The following ENTPD1 variants were observed in gnomAD, a reference collection of about 807,000 sequenced individuals.
ENTPD1 encodes ectonucleoside triphosphate diphosphohydrolase 1, also known as ATP diphosphohydrolase.
ENTPD1 carries 33 observed loss-of-function variants against 57.0 expected under a neutral mutation model. That is an observed-to-expected ratio of 0.58 (90% CI 0.44 to 0.77). The LOEUF is 0.77. Ranked by LOEUF, ENTPD1 falls within the 30% of genes least tolerant of loss-of-function variation. ENTPD1 has a pLI of 0.00. For missense variants in ENTPD1, 501 were observed against 603.4 expected (o/e 0.83, Z 1.78); for synonymous variants, 202 against 218.8 (o/e 0.92, Z 0.68).
intron 1 of ENTPD1, among the ~76,000 whole-genome samples, chr10:95,735,525 A>C (rs1033559982): frequency 7.9e-5 from 12 of 152,206 alleles, no homozygotes; most frequent in Non-Finnish European, 1.5e-4. Context: ...AATTTTAATT[A>C]AATTCTAGAC....
At position 95,847,458 on chromosome 10, in the gene ENTPD1, G is replaced by A. The variant is rs770625243; in HGVS notation, c.826G>A (p.Glu276Lys). ...LAKDIQVASN[E>K]ILRDPCFHPG... is the part of the protein sequence containing the mutation. ...TTTTTCCATTCAGGTTGCAAGTAAT[G>A]AAATTCTCAGGGACCCATGCTTTCA... The change falls in exon 7 of 10, where the codon GAA becomes AAA. Residue 276 changes from glutamate to lysine, a missense_variant. Physicochemically the swap from Glu to Lys is moderately conservative, Grantham distance 56. Coordinates refer to ENST00000371205, the MANE Select transcript of ENTPD1 (RefSeq NM_001776.6). 1 of 1,614,164 alleles carries A rather than the reference G, an allele frequency of 6.2e-7. No individual in the cohort carries two copies. Among genetic ancestry groups the A allele is most frequent in the Non-Finnish European group, 8.5e-7 (1 of 1,180,030 alleles).
chr10:95,745,646 G>C (rs1002787818), intron 1 of ENTPD1, among the ~76,000 whole-genome samples: 4 of 152,218 alleles, frequency 2.6e-5, no homozygotes, highest in African/African-American at 9.6e-5. Flanking sequence ...GCAAGAGAGA[G>C]GAAGTAGTTA....
the ENTPD1 span, among the ~76,000 whole-genome samples, chr10:95,703,969 T>C: frequency 6.7e-6 from 1 of 150,244 alleles, no homozygotes; most frequent in Non-Finnish European, 1.5e-5. Flanking sequence ...TTCATGCCTG[T>C]AGTCTCAGCT....
rs2098481799 is a variant in ENTPD1 at position 95,872,679 on chromosome 10, G to A, written c.*6296G>A. 3 of 778,758 alleles carry A rather than the reference G, an allele frequency of 3.9e-6. No homozygotes were observed. Among genetic ancestry groups the A allele is most frequent in the South Asian group, 1.3e-4 (2 of 15,754 alleles). The allele number at this position is 778,758 out of a possible 1,614,324, so 48.2% of individuals were successfully genotyped here. A position where few individuals can be genotyped will look rare whatever the true frequency, so the allele number is the denominator to read the frequency against. Reference sequence around the variant, plus strand: ...AAGTTGGATTCAGGGATATTATCACGGACCTAAGGTAATAGTTCTAGCCAA... The same window carrying A: ...AAGTTGGATTCAGGGATATTATCACAGACCTAAGGTAATAGTTCTAGCCAA... On this transcript the variant is annotated 3_prime_UTR_variant, in exon 10 of 10. Coordinates refer to ENST00000371205, the MANE Select transcript of ENTPD1 (RefSeq NM_001776.6).
intron 1 of ENTPD1, among the ~76,000 whole-genome samples, chr10:95,764,681 T>A (rs1193662631): frequency 6.6e-6 from 1 of 151,952 alleles, no homozygotes; most frequent in African/African-American, 2.4e-5. Context: ...CATTTGTGGA[T>A]CTTTTTTGGA....
At chr10:95,852,932 A>G (rs886328969) in intron 7 of ENTPD1, among the ~76,000 whole-genome samples, 1 of 152,172 alleles carries the variant, frequency 6.6e-6, no homozygotes, top group Non-Finnish European at 1.5e-5. Flanking sequence ...TTGGTTCCAT[A>G]TGAACTTTAA....
intron 4 of ENTPD1, among the ~76,000 whole-genome samples, chr10:95,843,995 T>C (rs1291165283): frequency 1.3e-5 from 2 of 152,180 alleles, no homozygotes; most frequent in African/African-American, 4.8e-5. Context: ...GCAGAGGAGA[T>C]TGGATATCTA....
At position 95,845,614 on chromosome 10, in the gene ENTPD1, C is replaced by T; in HGVS notation, c.813+18C>T. On this transcript the variant is annotated intron_variant, in intron 6 of 9. Transcript: ENST00000371205. ...ACATTCAGGCAAGTATAACTCAATC[C>T]AGACCTGCCCCCTTCACATCTGCAC... is the stretch of plus-strand genomic sequence containing the variant. 2.5e-6 allele frequency: 4 copies of T among 1,614,226 alleles called. No individual in the cohort carries two copies. The highest frequency in any genetic ancestry group is 3.4e-6 in the Non-Finnish European group (4 of 1,180,040).
intron 1 of ENTPD1, among the ~76,000 whole-genome samples, chr10:95,721,232 T>A (rs1371132695): frequency 6.6e-6 from 1 of 152,210 alleles, no homozygotes; most frequent in Non-Finnish European, 1.5e-5. Context: ...GGCTTCCTCC[T>A]AGGTTTCCCT....
chr10:95,839,090 T>C (rs1455403455), intron 2 of ENTPD1, among the ~76,000 whole-genome samples: 1 of 152,256 alleles, frequency 6.6e-6, no homozygotes, highest in East Asian at 1.9e-4. Context: ...TCTGCATTTA[T>C]TGAACTAAAA....
At chr10:95,854,824 A>T (rs2098451676) in intron 7 of ENTPD1, among the ~76,000 whole-genome samples, 1 of 152,134 alleles carries the variant, frequency 6.6e-6, no homozygotes, top group Non-Finnish European at 1.5e-5. Context: ...CTGTTCTTTT[A>T]CATTTGCTGA....
intron 1 of ENTPD1, among the ~76,000 whole-genome samples, chr10:95,765,089 C>G (rs1395414950): frequency 6.6e-6 from 1 of 152,140 alleles, no homozygotes; most frequent in Non-Finnish European, 1.5e-5. Flanking sequence ...TATATATTCC[C>G]TTTTCAGATA....
intron 1 of ENTPD1, among the ~76,000 whole-genome samples, chr10:95,803,254 T>G (rs2098258063): frequency 6.6e-6 from 1 of 152,228 alleles, no homozygotes; most frequent in African/African-American, 2.4e-5. Flanking sequence ...TCAAATGGTA[T>G]TTCTAGTTCT....
intron 1 of ENTPD1, among the ~76,000 whole-genome samples, chr10:95,767,037 A>G (rs1264089889): frequency 1.3e-5 from 2 of 151,298 alleles, no homozygotes; most frequent in African/African-American, 4.9e-5. Flanking sequence ...GCACCACCAT[A>G]CCCAGCTGAT....
At chr10:95,697,061 A>T in the ENTPD1 span, among the ~76,000 whole-genome samples, 2 of 152,232 alleles carry the variant, frequency 1.3e-5, no homozygotes, top group African/African-American at 4.8e-5. Flanking sequence ...GGCACATGGG[A>T]TGGAATTGAA....
chr10:95,765,843 TCTTA>T (rs1197374145), intron 1 of ENTPD1, among the ~76,000 whole-genome samples: 1 of 152,200 alleles, frequency 6.6e-6, no homozygotes, highest in Non-Finnish European at 1.5e-5. Flanking sequence ...TGTATGTAGG[TCTTA>T]CTTAATTTCC....
intron 7 of ENTPD1, among the ~76,000 whole-genome samples, chr10:95,852,170 C>A (rs1369194909): frequency 1.3e-5 from 2 of 152,196 alleles, no homozygotes; most frequent in Non-Finnish European, 2.9e-5. Flanking sequence ...TTGCATTTCT[C>A]TGATGGCCAG....
intron 1 of ENTPD1, among the ~76,000 whole-genome samples, chr10:95,796,506 G>A (rs1227740976): frequency 2.0e-5 from 3 of 152,054 alleles, no homozygotes; most frequent in African/African-American, 7.2e-5. Context: ...TAAGGCAGGA[G>A]GATAGGAAAA....
chr10:95,759,929 G>T (rs2098049410), intron 1 of ENTPD1, among the ~76,000 whole-genome samples: 2 of 152,174 alleles, frequency 1.3e-5, no homozygotes, highest in African/African-American at 4.8e-5. Flanking sequence ...TTTGACTGAT[G>T]TGGTTAGGCT....
Sources: allele counts gnomAD v4.1 joint callset (sites outside exome capture counted in the v4.1 genomes callset), GRCh38; gene constraint gnomAD v4.1.1; transcripts MANE v1.5; gene names NCBI Gene and HGNC (gene_info 2026-07-23, HGNC 2026-07-21).